Variants in G3BP2 observed in about 807,000 individuals in gnomAD.
G3BP2 encodes the protein G3BP stress granule assembly factor 2.
G3BP2 carries 11 observed loss-of-function variants against 56.7 expected under a neutral mutation model. That is an observed-to-expected ratio of 0.19 (90% CI 0.12 to 0.32). The LOEUF is 0.32. G3BP2 is among the 10% of genes least tolerant of loss of function. The pLI, the probability that G3BP2 is intolerant of heterozygous loss-of-function variation, is 1.00. For missense variants in G3BP2, 340 were observed against 610.9 expected (o/e 0.56, Z 4.67); for synonymous variants, 165 against 191.6 (o/e 0.86, Z 1.15).
intron 3 of G3BP2, among the ~76,000 whole-genome samples, chr4:75,691,565 C>A (rs1718858975): frequency 6.6e-6 from 1 of 152,208 alleles, no homozygotes; most frequent in African/African-American, 2.4e-5. Flanking sequence ...ACCTGAGTTT[C>A]ATTCTGCTAC....
At chr4:75,723,908 A>AC (rs1390738015) in intron 1 of G3BP2, 8 of 152,070 alleles carry the variant, frequency 5.3e-5, no homozygotes, top group African/African-American at 1.9e-4. Context: ...TTAAAAAAAA[A>AC]AAAACTGAAA....
upstream of G3BP2, among the ~76,000 whole-genome samples, chr4:75,675,003 G>T (rs1347780756): frequency 1.3e-5 from 2 of 151,894 alleles, no homozygotes; most frequent in Admixed American, 1.3e-4. Flanking sequence ...GATTACAGGC[G>T]TGAGCCACCG....
chr4:75,673,385 T>A lies in G3BP2; in HGVS notation c.-202A>T. The stretch of plus-strand genomic sequence containing the variant: ...CCACCTCTTCCCGGGCGCCAGGCGC[T>A]GCGACGTGCGACAAGGACCACGGAC... On this transcript the variant is annotated 5_prime_UTR_variant, in exon 1 of 12. Transcript: ENST00000359707. 1 of 1,232,116 alleles carries A rather than the reference T, an allele frequency of 8.1e-7. No individual in the cohort carries two copies. 76.3% of individuals were successfully genotyped at this position (1,232,116 alleles called of 1,614,324 possible).
intron 11 of G3BP2, 95 bp downstream of exon 11, chr4:75,646,240 TTTA>T (rs1201096273): frequency 3.0e-6 from 2 of 662,806 alleles, no homozygotes; most frequent in Middle Eastern, 3.2e-4. Context: ...TATTTTTAGC[TTTA>T]TTATTAAAAG....
chr4:75,722,669 G>A (rs879781222), intron 1 of G3BP2, among the ~76,000 whole-genome samples: 1 of 152,132 alleles, frequency 6.6e-6, no homozygotes, highest in Non-Finnish European at 1.5e-5. Context: ...TGCTCCCATG[G>A]AAAATGTCTA....
chr4:75,645,815 C>G, intron 11 of G3BP2, 113 bp from the exon 12 acceptor site: 1 of 880,678 alleles, frequency 1.1e-6, no homozygotes, highest in Non-Finnish European at 1.7e-6. Context: ...TTTATCAGCC[C>G]CCCACCCCCC....
At chr4:75,723,899 TAAAA>T (rs201266709) in intron 1 of G3BP2, among the ~76,000 whole-genome samples, 1 of 146,096 alleles carries the variant, frequency 6.8e-6, no homozygotes, top group African/African-American at 2.5e-5. Flanking sequence ...TTTTTCATGT[TAAAA>T]AAAAAAAAAC....
At chr4:75,720,344 T>C (rs1410533156) in intron 3 of G3BP2, among the ~76,000 whole-genome samples, 16 of 149,698 alleles carry the variant, frequency 1.1e-4, no homozygotes, top group African/African-American at 4.0e-4. Flanking sequence ...CTACCAAAAA[T>C]ACAAAAAATT....
At chr4:75,693,756 T>C (rs1033217752) in intron 3 of G3BP2, among the ~76,000 whole-genome samples, 1 of 149,966 alleles carries the variant, frequency 6.7e-6, no homozygotes, top group African/African-American at 2.5e-5. Context: ...ACCACTGCAC[T>C]CTAGCCTGGT....
At chr4:75,645,733 G>C (rs765660827) in intron 11 of G3BP2, 31 bp from the exon 12 acceptor site, 1 of 1,594,926 alleles carries the variant, frequency 6.3e-7, no homozygotes, top group Non-Finnish European at 8.6e-7. Flanking sequence ...ATATTTACAT[G>C]GGCAGGTTAG....
chr4:75,697,292 AAAAAAAAAAG>A lies in G3BP2; in HGVS notation c.-25+23575_-25+23584del, dbSNP rs1193049683. 2.6e-4 allele frequency among the ~76,000 whole-genome samples: 28 copies of A among 108,392 alleles called. 1 individual carries two copies. The highest frequency in any genetic ancestry group is 3.0e-4 in the Non-Finnish European group (16 of 53,480). The allele number at this position is 108,392 out of a possible 152,430, so 71.1% of individuals were successfully genotyped here. ...CTGTCTCAAAAAAAAAAAAAAAAAAAAAAAAAAAAGATCATGAAATTGAGGTGTTTTGTTG... is the reference window on the plus strand; with the variant it reads ...CTGTCTCAAAAAAAAAAAAAAAAAAAATCATGAAATTGAGGTGTTTTGTTG... On this transcript the variant is annotated intron_variant, in intron 3 of 3. Transcript: ENST00000499709.
intron 8 of G3BP2, among the ~76,000 whole-genome samples, chr4:75,653,320 T>C (rs529904476): frequency 1.4e-4 from 21 of 152,230 alleles, no homozygotes; most frequent in African/African-American, 4.8e-4. Flanking sequence ...ACCCTTTATA[T>C]GCTGATAAAC....
In G3BP2 at chr4:75,644,659, T is replaced by C. The variant is rs1731084919; in HGVS notation, c.*771A>G. On this transcript the variant is annotated 3_prime_UTR_variant, in exon 12 of 12. Transcript: ENST00000359707. ...GTTGAGCAGCCAGCCATCCCTGTACTGAAGAGGGGCAGGTAGAAAAATCTT... is the reference window on the plus strand; with the variant it reads ...GTTGAGCAGCCAGCCATCCCTGTACCGAAGAGGGGCAGGTAGAAAAATCTT... 6.6e-6 allele frequency: 1 copy of C among 152,648 alleles called. No individual in the cohort carries two copies. The highest frequency in any genetic ancestry group is 2.1e-4 in the South Asian group (1 of 4,836). 9.5% of individuals were successfully genotyped at this position (152,648 alleles called of 1,614,324 possible). A position where few individuals can be genotyped will look rare whatever the true frequency, so the allele number is the denominator to read the frequency against.
At chr4:75,660,718 T>C (rs1732484524) in intron 2 of G3BP2, among the ~76,000 whole-genome samples, 1 of 152,202 alleles carries the variant, frequency 6.6e-6, no homozygotes, top group Non-Finnish European at 1.5e-5. Flanking sequence ...ATTTAAGTCT[T>C]TTAAACAGCC....
At chr4:75,656,189 A>G (rs1309335563) in intron 5 of G3BP2, among the ~76,000 whole-genome samples, 1 of 151,164 alleles carries the variant, frequency 6.6e-6, no homozygotes, top group Non-Finnish European at 1.5e-5. Context: ...TGGGGTTTTC[A>G]CTGCATTGGC....
rs1407726134 is a variant in G3BP2, at chr4:75,642,830, T to C, written c.*2600A>G. ...TTATTGTTTGTTTAGTCCAAACACA[T>C]TCAATATGGAAACTCAAAGAATACT... On this transcript the variant is annotated 3_prime_UTR_variant, in exon 12 of 12. Coordinates refer to ENST00000359707, the MANE Select transcript of G3BP2 (RefSeq NM_203505.3). 6.6e-6 allele frequency: 1 copy of C among 152,560 alleles called. No individual in the cohort carries two copies. Among genetic ancestry groups the C allele is most frequent in the Non-Finnish European group, 1.5e-5 (1 of 67,998 alleles). 9.5% of individuals were successfully genotyped at this position (152,560 alleles called of 1,614,324 possible). A position where few individuals can be genotyped will look rare whatever the true frequency, so the allele number is the denominator to read the frequency against.
intron 3 of G3BP2, among the ~76,000 whole-genome samples, chr4:75,705,959 C>T (rs114335822): frequency 0.011 from 1,705 of 152,230 alleles, 20 homozygotes; most frequent in Non-Finnish European, 0.017. Context: ...TTCCCATACA[C>T]AATATATATA....
intron 1 of G3BP2, among the ~76,000 whole-genome samples, chr4:75,665,481 C>G (rs1033108173): frequency 3.9e-5 from 6 of 152,158 alleles, no homozygotes; most frequent in Non-Finnish European, 5.9e-5. Context: ...GGCTGTGGCT[C>G]ACGCCTGTAA....
intron 3 of G3BP2, among the ~76,000 whole-genome samples, chr4:75,705,345 T>C (rs1425125154): frequency 6.6e-6 from 1 of 152,116 alleles, no homozygotes; most frequent in African/African-American, 2.4e-5. Flanking sequence ...AAACAAGAGG[T>C]GGCAACCTAC....
Sources: gnomAD v4.1 joint callset for allele counts (sites outside exome capture counted in the v4.1 genomes callset) on GRCh38, gnomAD v4.1.1 for gene constraint, MANE v1.5 for transcripts, NCBI Gene and HGNC (gene_info 2026-07-23, HGNC 2026-07-21) for gene names.